ADARB2: variants seen among roughly 807,000 people sequenced by gnomAD.
ADARB2 encodes the protein adenosine deaminase RNA specific B2 (inactive).
Under a neutral mutation model 62.2 loss-of-function variants are expected in ADARB2, and 25 were observed. The observed-to-expected ratio is 0.40, with a 90% CI of 0.29 to 0.56. ADARB2 has a LOEUF of 0.56. Among genes scored for constraint, ADARB2 ranks in the 20% least tolerant of loss-of-function variants. The pLI is 0.43. For synonymous variants in ADARB2, 572 were observed against 500.8 expected, an observed-to-expected ratio of 1.14 and a Z score of -1.90; for missense variants, 1,071 against 1,077.4, an observed-to-expected ratio of 0.99 and a Z score of 0.08.
intron 3 of ADARB2, among the ~76,000 whole-genome samples, chr10:1,273,900 G>A (rs1371333542): frequency 6.6e-6 from 1 of 152,212 alleles, no homozygotes; most frequent in Admixed American, 6.5e-5. Context: ...GTGACGGGTG[G>A]GACCTCTGCC....
At chr10:1,407,149 G>A (rs540164063) in intron 1 of ADARB2, among the ~76,000 whole-genome samples, 169 of 152,302 alleles carry the variant, frequency 1.1e-3, no homozygotes, top group African/African-American at 3.9e-3. Context: ...TGGCTCCCTG[G>A]TTCCCTGACA....
Position 1,332,593 on chromosome 10 carries a change from C to T in ADARB2, c.1077+30435G>A, listed in dbSNP as rs1831940082. Reference sequence around the variant, plus strand: ...TTTGAGTTGAGAATTCAAAAGTCTTCCAGAAAGCACAAGACGTTGGCCCCC... The same window carrying T: ...TTTGAGTTGAGAATTCAAAAGTCTTTCAGAAAGCACAAGACGTTGGCCCCC... On this transcript the variant is annotated intron_variant, in intron 3 of 9. Transcript: ENST00000381312. Among the ~76,000 whole-genome samples, 3 of 149,404 alleles carry T rather than the reference C, an allele frequency of 2.0e-5. 1 individual carries two copies. The South Asian group carries it at 6.4e-4, about 32-fold the overall frequency.
chr10:1,528,174 C>T (rs1413013814), intron 1 of ADARB2, among the ~76,000 whole-genome samples: 3 of 152,222 alleles, frequency 2.0e-5, no homozygotes, highest in African/African-American at 4.8e-5. Context: ...CTTCGGCCAA[C>T]ACACCTGAGC....
intron 6 of ADARB2, among the ~76,000 whole-genome samples, chr10:1,220,376 ATGG>A (rs1232055026): frequency 5.0e-5 from 7 of 139,916 alleles, no homozygotes; most frequent in East Asian, 2.3e-4. Context: ...GATGATGGTG[ATGG>A]TGGTGGTGAT....
chr10:1,619,834 T>C (rs1350774098), intron 1 of ADARB2, among the ~76,000 whole-genome samples: 1 of 152,178 alleles, frequency 6.6e-6, no homozygotes, highest in Admixed American at 6.5e-5. Flanking sequence ...TTAATAGAAC[T>C]GGCATCATAT....
intron 1 of ADARB2, among the ~76,000 whole-genome samples, chr10:1,621,380 ATAAC>A (rs1588327103): frequency 1.3e-5 from 2 of 152,090 alleles, no homozygotes; most frequent in Non-Finnish European, 2.9e-5. Context: ...TCAAAAATAA[ATAAC>A]TAGGAATAGT....
rs559929128 is a variant in ADARB2 at position 1,330,894 on chromosome 10, T to C, written c.1077+32134A>G. 6.6e-5 allele frequency among the ~76,000 whole-genome samples: 10 copies of C among 152,302 alleles called. No homozygotes were observed. In the South Asian group the frequency reaches 8.3e-4, roughly 13 times the overall value. On this transcript the variant is annotated intron_variant, in intron 3 of 9. Coordinates refer to ENST00000381312, the MANE Select transcript of ADARB2 (RefSeq NM_018702.4). ...GACATTCTCCTATGTCTGATAATGGTATGATATACCCGAATACATAATAAC... is the reference window on the plus strand; with the variant it reads ...GACATTCTCCTATGTCTGATAATGGCATGATATACCCGAATACATAATAAC...
intron 1 of ADARB2, among the ~76,000 whole-genome samples, chr10:1,619,972 C>CAAGAAAAAT: frequency 6.6e-6 from 1 of 151,544 alleles, no homozygotes; most frequent in South Asian, 2.1e-4. Context: ...AAAGGAAAAA[C>CAAGAAAAAT]AAGAAAAATA....
At chr10:1,510,110 C>CTCTT (rs35894676) in intron 1 of ADARB2, among the ~76,000 whole-genome samples, 11,051 of 105,834 alleles carry the variant, frequency 0.1, 672 homozygotes, top group East Asian at 0.19. Flanking sequence ...CTTTCTTTCT[C>CTCTT]TCTTTCTTTC....
chr10:1,393,854 T>A (rs1832590029), intron 1 of ADARB2, among the ~76,000 whole-genome samples: 1 of 151,796 alleles, frequency 6.6e-6, no homozygotes, highest in Non-Finnish European at 1.5e-5. Context: ...AGGAAAATAG[T>A]CTAAAGGTGT....
intron 5 of ADARB2, 57 bp downstream of exon 5, chr10:1,242,074 C>G (rs1392931005): frequency 3.3e-6 from 5 of 1,520,188 alleles, no homozygotes; most frequent in Non-Finnish European, 4.4e-6. Flanking sequence ...CATCTGCTCC[C>G]TGGCAGCCCC....
chr10:1,611,231 A>G (rs905837302), intron 1 of ADARB2, among the ~76,000 whole-genome samples: 2 of 152,138 alleles, frequency 1.3e-5, no homozygotes, highest in African/African-American at 4.8e-5. Context: ...GAGTGAATGC[A>G]TCTTCCAGCG....
intron 8 of ADARB2, among the ~76,000 whole-genome samples, chr10:1,191,488 T>G (rs1836845158): frequency 6.6e-6 from 1 of 152,158 alleles, no homozygotes; most frequent in Admixed American, 6.5e-5. Flanking sequence ...GCCCCACGTT[T>G]TTTTAGTAAT....
At chr10:1,706,819 T>C (rs1393344667) in intron 1 of ADARB2, among the ~76,000 whole-genome samples, 1 of 151,482 alleles carries the variant, frequency 6.6e-6, no homozygotes, top group African/African-American at 2.4e-5. Context: ...AGGAGACTGA[T>C]GGGGAACAAA....
chr10:1,684,900 C>G (rs1450679962), intron 1 of ADARB2, among the ~76,000 whole-genome samples: 2 of 152,118 alleles, frequency 1.3e-5, no homozygotes, highest in Non-Finnish European at 2.9e-5. Flanking sequence ...CAGAGAGGAC[C>G]TGGAAGCCAA....
chr10:1,203,631 G>A (rs1217550013), intron 7 of ADARB2, among the ~76,000 whole-genome samples: 3 of 151,922 alleles, frequency 2.0e-5, no homozygotes, highest in African/African-American at 7.3e-5. Flanking sequence ...TGGTGTGACT[G>A]GGGAGTCAGT....
At chr10:1,336,220 C>T (rs1831974029) in intron 3 of ADARB2, among the ~76,000 whole-genome samples, 1 of 152,198 alleles carries the variant, frequency 6.6e-6, no homozygotes, top group Admixed American at 6.5e-5. Flanking sequence ...ATGTTACCCA[C>T]TTGGCAATAA....
intron 4 of ADARB2, among the ~76,000 whole-genome samples, chr10:1,265,889 C>T (rs1369682045): frequency 8.9e-6 from 1 of 112,640 alleles, no homozygotes; most frequent in African/African-American, 3.5e-5. Flanking sequence ...GAGAGGGGGG[C>T]CCAGGGTCCC....
intron 1 of ADARB2, among the ~76,000 whole-genome samples, chr10:1,387,381 G>GA (rs1832533984): frequency 6.6e-6 from 1 of 151,796 alleles, no homozygotes; most frequent in Non-Finnish European, 1.5e-5. Context: ...TGAAAAAGGA[G>GA]AAAAAAACTT....
Sources: allele counts gnomAD v4.1 joint callset (sites outside exome capture counted in the v4.1 genomes callset), GRCh38; gene constraint gnomAD v4.1.1; transcripts MANE v1.5; gene names NCBI Gene and HGNC (gene_info 2026-07-23, HGNC 2026-07-21).